CPED1: variants seen among roughly 807,000 people sequenced by gnomAD.
The protein encoded by CPED1 is cadherin-like and PC-esterase domain-containing protein 1.
Under a neutral mutation model 128.2 loss-of-function variants are expected in CPED1, and 114 were observed. That is an observed-to-expected ratio of 0.89 (90% CI 0.76 to 1.04). CPED1 has a LOEUF of 1.04. Ranked by LOEUF, CPED1 falls within the 50% of genes least tolerant of loss-of-function variation. The pLI is 0.00. For missense variants in CPED1, 1,211 were observed against 1,207.1 expected (o/e 1.00, Z -0.05); for synonymous variants, 462 against 426.7 (o/e 1.08, Z -1.02).
At chr7:121,060,489 G>T (rs1196248051) in intron 4 of CPED1, among the ~76,000 whole-genome samples, 1 of 152,196 alleles carries the variant, frequency 6.6e-6, no homozygotes, top group Non-Finnish European at 1.5e-5. Flanking sequence ...CTCAAGGTTT[G>T]TAAACACACC....
In CPED1 at chr7:121,127,073, C is replaced by A. The variant is rs757823297; in HGVS notation, c.1135-17C>A. The A allele has an allele frequency of 6.5e-7, 1 of 1,533,364 alleles. No individual in the cohort carries two copies. Among genetic ancestry groups the A allele is most frequent in the Admixed American group, 2.1e-5 (1 of 47,368 alleles). The allele number at this position is 1,533,364 out of a possible 1,614,324, so 95.0% of individuals were successfully genotyped here. Reference sequence around the variant, plus strand: ...AAATCGATGAAAAATATTTGCTGTGCTTTTGTTCTTTCAAAGGTACACGAG... The same window carrying A: ...AAATCGATGAAAAATATTTGCTGTGATTTTGTTCTTTCAAAGGTACACGAG... On this transcript the variant is annotated splice_polypyrimidine_tract_variant and intron_variant, in intron 9 of 22. Transcript: ENST00000310396.
rs182273354 is a variant in CPED1 at position 121,023,028 on chromosome 7, A to C, written c.433+7180A>C. Among the ~76,000 whole-genome samples, 173 of 152,144 alleles carry C rather than the reference A, an allele frequency of 1.1e-3. 1 individual carries two copies. The highest frequency in any genetic ancestry group is 4.0e-3 in the African/African-American group (165 of 41,532). ...GGATAGTAAGTGGCCAAAAAAAAAA[A>C]GATACATATTTTTCAAAGTTTTTAA... On this transcript the variant is annotated intron_variant, in intron 3 of 22. Transcript: ENST00000310396.
intron 14 of CPED1, 68 bp from the exon 15 acceptor site, chr7:121,140,759 C>T (rs1175313250): frequency 9.0e-7 from 1 of 1,116,518 alleles, no homozygotes; most frequent in Non-Finnish European, 1.3e-6. Context: ...AAAACCTAAT[C>T]ATATATTATT....
At chr7:121,119,425 A>G (rs897827262) in intron 7 of CPED1, among the ~76,000 whole-genome samples, 7 of 149,590 alleles carry the variant, frequency 4.7e-5, no homozygotes, top group African/African-American at 1.7e-4. Context: ...TCGGCCTCCC[A>G]AAGTGTTGAG....
At chr7:121,242,071 C>T (rs1051269528) in intron 17 of CPED1, among the ~76,000 whole-genome samples, 2 of 152,218 alleles carry the variant, frequency 1.3e-5, no homozygotes, top group African/African-American at 2.4e-5. Context: ...TGTTGAGGTC[C>T]GCAGGGCCAG....
At chr7:121,129,291 A>ATATATATATATATATACG (rs1795591089) in intron 11 of CPED1, among the ~76,000 whole-genome samples, 1 of 71,474 alleles carries the variant, frequency 1.4e-5, no homozygotes. Flanking sequence ...ATATATGTAT[A>ATATATATATATATATACG]TATATATATA....
At chr7:121,205,410 T>C (rs995319862) in intron 16 of CPED1, among the ~76,000 whole-genome samples, 1 of 152,186 alleles carries the variant, frequency 6.6e-6, no homozygotes, top group African/African-American at 2.4e-5. Context: ...TTTCACATTG[T>C]TGAAAGATTT....
intron 5 of CPED1, among the ~76,000 whole-genome samples, chr7:121,081,209 A>G (rs1044413096): frequency 1.3e-5 from 2 of 152,192 alleles, no homozygotes; most frequent in African/African-American, 4.8e-5. Flanking sequence ...TATATTGATA[A>G]AGACTCAAAA....
intron 3 of CPED1, among the ~76,000 whole-genome samples, chr7:121,033,708 C>T (rs1792800757): frequency 6.6e-6 from 1 of 152,166 alleles, no homozygotes; most frequent in African/African-American, 2.4e-5. Flanking sequence ...TTCAATAAAT[C>T]TCCAAAGATT....
At chr7:121,262,435 G>GA (rs1159641712) in intron 18 of CPED1, among the ~76,000 whole-genome samples, 1 of 152,036 alleles carries the variant, frequency 6.6e-6, no homozygotes, top group East Asian at 1.9e-4. Flanking sequence ...AAAGGAATGG[G>GA]AAAAATACCA....
intron 16 of CPED1, among the ~76,000 whole-genome samples, chr7:121,204,384 C>T (rs1366275731): frequency 1.3e-5 from 2 of 152,054 alleles, no homozygotes; most frequent in Non-Finnish European, 2.9e-5. Flanking sequence ...TGGAAAGGCC[C>T]AGCCTCACTT....
chr7:121,257,730 A>G (rs1335873481), intron 18 of CPED1, among the ~76,000 whole-genome samples: 1 of 152,076 alleles, frequency 6.6e-6, no homozygotes, highest in African/African-American at 2.4e-5. Context: ...AAAATATACA[A>G]AACAATCCTG....
chr7:121,178,873 T>G (rs1796840072), intron 16 of CPED1, among the ~76,000 whole-genome samples: 1 of 151,976 alleles, frequency 6.6e-6, no homozygotes, highest in Admixed American at 6.6e-5. Context: ...AGACCGGGAT[T>G]GGAGATGCAG....
At chr7:121,001,715 C>T (rs2116764235) in intron 2 of CPED1, among the ~76,000 whole-genome samples, 1 of 152,176 alleles carries the variant, frequency 6.6e-6, no homozygotes, top group East Asian at 1.9e-4. Context: ...AGGGAAATTA[C>T]CTGGGACTGA....
At chr7:121,228,123 C>T (rs1247303210) in intron 16 of CPED1, among the ~76,000 whole-genome samples, 1 of 152,020 alleles carries the variant, frequency 6.6e-6, no homozygotes, top group Non-Finnish European at 1.5e-5. Context: ...TTCAAAATCA[C>T]AGGCAACTAA....
intron 3 of CPED1, among the ~76,000 whole-genome samples, chr7:121,027,842 A>G (rs1375690816): frequency 1.1e-4 from 17 of 151,860 alleles, no homozygotes; most frequent in Admixed American, 9.8e-4. Flanking sequence ...CCATTTATAC[A>G]ACAAAATGTT....
intron 3 of CPED1, among the ~76,000 whole-genome samples, chr7:121,019,977 A>T (rs1792396113): frequency 6.6e-6 from 1 of 152,048 alleles, no homozygotes; most frequent in South Asian, 2.1e-4. Context: ...GTATGTCATC[A>T]AGGACTCTGA....
At chr7:121,051,679 C>T (rs1311946436) in intron 4 of CPED1, 4 of 307,964 alleles carry the variant, frequency 1.3e-5, no homozygotes, top group Non-Finnish European at 2.5e-5. Context: ...ATTGTGTGCA[C>T]TCTGTAAGAT....
intron 7 of CPED1, among the ~76,000 whole-genome samples, chr7:121,103,679 G>A (rs991326976): frequency 1.3e-5 from 2 of 152,104 alleles, no homozygotes; most frequent in African/African-American, 4.8e-5. Context: ...TTTTGTGTGT[G>A]TGTGTGTATG....
Sources: allele counts gnomAD v4.1 joint callset (sites outside exome capture counted in the v4.1 genomes callset), GRCh38; gene constraint gnomAD v4.1.1; transcripts MANE v1.5; gene names NCBI Gene and HGNC (gene_info 2026-07-23, HGNC 2026-07-21).